KLF8: variants seen among roughly 807,000 people sequenced by gnomAD.
The protein encoded by KLF8 is KLF transcription factor 8.
A neutral mutation model predicts 18.2 loss-of-function variants in KLF8; 10 were observed. That is an observed-to-expected ratio of 0.55 (90% CI 0.34 to 0.93). The LOEUF (loss-of-function observed/expected upper bound fraction) is 0.93. Among genes scored for constraint, KLF8 ranks in the 40% least tolerant of loss-of-function variants. The pLI, the probability that KLF8 is intolerant of heterozygous loss-of-function variation, is 0.02. For missense variants in KLF8, 264 were observed against 277.9 expected, an observed-to-expected ratio of 0.95 and a Z score of 0.36; for synonymous variants, 109 against 97.3, an observed-to-expected ratio of 1.12 and a Z score of -0.71.
chrX:56,212,719 A>G, the KLF8 span, among the ~76,000 whole-genome samples: 2 of 111,803 alleles, frequency 1.8e-5, no homozygotes, highest in Non-Finnish European at 3.8e-5. Context: ...CTATCTCTTC[A>G]GTGTTTCTTT....
chrX:56,270,527 A>G (rs1351745228), intron 5 of KLF8, among the ~76,000 whole-genome samples: 1 of 110,990 alleles, frequency 9.0e-6, no homozygotes, highest in Non-Finnish European at 1.9e-5. Flanking sequence ...CATGGTTTTT[A>G]TCCCTATTTC....
the KLF8 span, among the ~76,000 whole-genome samples, chrX:56,186,467 C>T: frequency 0.012 from 1,313 of 111,015 alleles, 22 homozygotes; most frequent in African/African-American, 0.041. Context: ...GACAGATCAA[C>T]GAGACAGAAA....
At chrX:56,210,556 C>A in the KLF8 span, among the ~76,000 whole-genome samples, 2 of 110,972 alleles carry the variant, frequency 1.8e-5, no homozygotes, top group Non-Finnish European at 3.8e-5. Flanking sequence ...CTATAACCTA[C>A]TTATACTTGG....
the KLF8 span, among the ~76,000 whole-genome samples, chrX:55,941,681 AC>A: frequency 7.3e-4 from 82 of 112,094 alleles, no homozygotes; most frequent in African/African-American, 2.6e-3. Flanking sequence ...CAAGAAAAAA[AC>A]AACCCCAGCA....
chrX:55,924,948 C>CG, the KLF8 span, among the ~76,000 whole-genome samples: 2 of 102,108 alleles, frequency 2.0e-5, no homozygotes, highest in African/African-American at 3.6e-5. Flanking sequence ...CTCCGCCTCC[C>CG]GGGTTCAATT....
chrX:56,105,235 T>TGGTGCAGA, the KLF8 span, among the ~76,000 whole-genome samples: 2 of 111,748 alleles, frequency 1.8e-5, no homozygotes, highest in Admixed American at 9.5e-5. Flanking sequence ...TAGGTCCACT[T>TGGTGCAGA]GGTGCAGAGC....
At chrX:56,272,491 G>A (rs374169878) in intron 5 of KLF8, among the ~76,000 whole-genome samples, 70 of 111,525 alleles carry the variant, frequency 6.3e-4, no homozygotes, top group African/African-American at 2.2e-3. Context: ...GATTACAGAC[G>A]TGAGTCACTG....
the KLF8 span, among the ~76,000 whole-genome samples, chrX:56,011,996 G>A: frequency 1.8e-5 from 2 of 111,343 alleles, no homozygotes; most frequent in Non-Finnish European, 1.9e-5. Flanking sequence ...AGGACCAGAC[G>A]GATTTACAGC....
chrX:56,104,323 G>T, the KLF8 span, among the ~76,000 whole-genome samples: 1 of 111,268 alleles, frequency 9.0e-6, no homozygotes, highest in South Asian at 3.8e-4. Flanking sequence ...GTAGAATTCG[G>T]TTGTGAATCC....
At chrX:56,195,295 G>T in the KLF8 span, among the ~76,000 whole-genome samples, 1 of 111,870 alleles carries the variant, frequency 8.9e-6, no homozygotes. Context: ...CAAACTAAAA[G>T]TGGATGTTCA....
At chrX:56,168,374 G>A in the KLF8 span, among the ~76,000 whole-genome samples, 25 of 112,226 alleles carry the variant, frequency 2.2e-4, no homozygotes, top group East Asian at 6.4e-3. Flanking sequence ...ACTGAAAACT[G>A]TAAGACATTG....
the KLF8 span, among the ~76,000 whole-genome samples, chrX:56,177,771 C>T: frequency 9.0e-6 from 1 of 111,598 alleles, no homozygotes; most frequent in Non-Finnish European, 1.9e-5. Context: ...TTCCCAGCCA[C>T]TTTGTTTACC....
At chrX:56,195,264 G>A in the KLF8 span, among the ~76,000 whole-genome samples, 3 of 111,887 alleles carry the variant, frequency 2.7e-5, no homozygotes, top group African/African-American at 9.7e-5. Context: ...GCTTCAGCAG[G>A]TCAGTAATAA....
chrX:56,259,995 C>T (rs946890976), intron 2 of KLF8, among the ~76,000 whole-genome samples: 13 of 110,792 alleles, frequency 1.2e-4, no homozygotes, highest in African/African-American at 4.3e-4. Flanking sequence ...GGTCATGCTG[C>T]CTCTGAAGGC....
intron 1 of KLF8, among the ~76,000 whole-genome samples, chrX:56,237,687 T>A (rs1250991604): frequency 8.9e-6 from 1 of 112,022 alleles, no homozygotes; most frequent in Non-Finnish European, 1.9e-5. Flanking sequence ...GTAATAACAA[T>A]AAAAACTTTT....
chrX:56,189,805 G>T, the KLF8 span, among the ~76,000 whole-genome samples: 1 of 97,139 alleles, frequency 1.0e-5, no homozygotes, highest in Non-Finnish European at 2.0e-5. Context: ...TCACTCATAG[G>T]TGGGAATTGA....
chrX:55,998,224 C>A, the KLF8 span, among the ~76,000 whole-genome samples: 3 of 111,506 alleles, frequency 2.7e-5, no homozygotes, highest in Non-Finnish European at 5.7e-5. Flanking sequence ...CATTCCATTG[C>A]CCAGGGACGG....
the KLF8 span, among the ~76,000 whole-genome samples, chrX:56,096,779 A>G: frequency 9.0e-6 from 1 of 111,322 alleles, no homozygotes; most frequent in Non-Finnish European, 1.9e-5. Context: ...CTAAAAATGG[A>G]GATTATGTAA....
chrX:56,091,661 A>T, the KLF8 span, among the ~76,000 whole-genome samples: 1 of 110,381 alleles, frequency 9.1e-6, no homozygotes, highest in Non-Finnish European at 1.9e-5. Flanking sequence ...TGCCTGGCTA[A>T]TTTTTGTATT....
Sources: allele counts gnomAD v4.1 joint callset (sites outside exome capture counted in the v4.1 genomes callset), GRCh38; gene constraint gnomAD v4.1.1; transcripts MANE v1.5; gene names NCBI Gene and HGNC (gene_info 2026-07-23, HGNC 2026-07-21).